GLI2: variants seen among roughly 807,000 people sequenced by gnomAD.
The protein encoded by GLI2 is transcription activator GLI2.
A neutral mutation model predicts 78.9 loss-of-function variants in GLI2; 22 were observed. The ratio of observed to expected loss-of-function variants is 0.28; its 90% CI spans 0.20 to 0.40. The LOEUF (loss-of-function observed/expected upper bound fraction) is 0.40. Ranked by LOEUF, GLI2 falls within the 10% of genes least tolerant of loss-of-function variation. The pLI is 1.00. For missense variants in GLI2, 2,097 were observed against 2,213.2 expected, an observed-to-expected ratio of 0.95 and a Z score of 1.05; for synonymous variants, 974 against 963.7, an observed-to-expected ratio of 1.01 and a Z score of -0.20.
At chr2:120,924,765 C>T (rs1679577794) in intron 2 of GLI2, among the ~76,000 whole-genome samples, 1 of 152,186 alleles carries the variant, frequency 6.6e-6, no homozygotes, top group Admixed American at 6.5e-5. Flanking sequence ...CAGTATGAGC[C>T]AGTTTTCCTG....
intron 2 of GLI2, among the ~76,000 whole-genome samples, chr2:120,891,156 C>G (rs1235186283): frequency 6.6e-6 from 1 of 152,160 alleles, no homozygotes; most frequent in Non-Finnish European, 1.5e-5. Context: ...GAATGCCACA[C>G]AGGAAGGTGC....
chr2:120,871,456 C>T (rs1317470041), intron 2 of GLI2, among the ~76,000 whole-genome samples: 6 of 152,220 alleles, frequency 3.9e-5, no homozygotes, highest in African/African-American at 7.2e-5. Flanking sequence ...CATGCTCCCT[C>T]GTCCCCTCGC....
At chr2:120,980,871 C>G (rs940397281) in intron 10 of GLI2, among the ~76,000 whole-genome samples, 1 of 151,602 alleles carries the variant, frequency 6.6e-6, no homozygotes, top group African/African-American at 2.4e-5. Context: ...GGTCTTTGAT[C>G]CATTTGGAGT....
At chr2:120,960,997 T>A (rs541161126) in intron 5 of GLI2, among the ~76,000 whole-genome samples, 1 of 152,304 alleles carries the variant, frequency 6.6e-6, no homozygotes, top group East Asian at 1.9e-4. Context: ...AGCGGCTCCC[T>A]GGAGAGCGGA....
chr2:120,808,698 G>A (rs1685077782), intron 2 of GLI2, among the ~76,000 whole-genome samples: 1 of 152,222 alleles, frequency 6.6e-6, no homozygotes, highest in Non-Finnish European at 1.5e-5. Context: ...AGACAAGTGT[G>A]AGTTCACATC....
chr2:120,973,446 G>A (rs901978429), intron 8 of GLI2, among the ~76,000 whole-genome samples: 13 of 152,334 alleles, frequency 8.5e-5, no homozygotes, highest in East Asian at 5.8e-4. Context: ...CTGGCTCTGC[G>A]CACGTGTCAG....
chr2:120,818,796 G>A (rs1358640387), intron 2 of GLI2, among the ~76,000 whole-genome samples: 1 of 152,174 alleles, frequency 6.6e-6, no homozygotes, highest in Non-Finnish European at 1.5e-5. Flanking sequence ...TTTACGAAAG[G>A]CCTACTGGTT....
rs755823328 is a variant in GLI2, at chr2:120,955,354, C to G, written c.567C>G (p.Pro189=). ...CCCTCGTGGCAGGCCACCCCGCGCC[C>G]TACGGGGACCTGCTGATGCAGAGCG... ...QMTLVAGHPA[P]YGDLLMQSGG... is the part of the protein sequence containing the mutation. Residue 189 remains proline, a synonymous_variant, in exon 5 of 14, where the codon CCC becomes CCG. Transcript: ENST00000361492. 6.8e-6 allele frequency: 11 copies of G among 1,613,432 alleles called. No homozygotes were observed. Among genetic ancestry groups the G allele is most frequent in the Non-Finnish European group, 7.6e-6 (9 of 1,179,582 alleles).
chr2:120,910,948 T>A (rs1388359663), intron 2 of GLI2, among the ~76,000 whole-genome samples: 1 of 152,220 alleles, frequency 6.6e-6, no homozygotes, highest in East Asian at 1.9e-4. Flanking sequence ...AGTTTGTTGG[T>A]GCTCCACCTC....
At chr2:120,757,254 C>G (rs1325295483) in intron 1 of GLI2, among the ~76,000 whole-genome samples, 2 of 141,208 alleles carry the variant, frequency 1.4e-5, no homozygotes, top group African/African-American at 5.3e-5. Context: ...GTCTGGTAAT[C>G]TTTGCTAGAT....
At chr2:120,797,157 C>A (rs1466425788) in intron 1 of GLI2, 134 bp from the exon 2 acceptor site, 2 of 726,708 alleles carry the variant, frequency 2.8e-6, no homozygotes, top group African/African-American at 3.5e-5. Context: ...ATTAATTAAA[C>A]CCTCCTTCCC....
chr2:120,854,455 C>T (rs191808563), intron 2 of GLI2, among the ~76,000 whole-genome samples: 2 of 152,258 alleles, frequency 1.3e-5, no homozygotes, highest in African/African-American at 2.4e-5. Flanking sequence ...GGGGGGCTGC[C>T]CCAGTCATCT....
intron 1 of GLI2, among the ~76,000 whole-genome samples, chr2:120,776,468 G>A (rs1268399540): frequency 6.6e-6 from 1 of 151,876 alleles, no homozygotes; most frequent in Non-Finnish European, 1.5e-5. Context: ...TTTTCTTCTG[G>A]GTTCCCAGTA....
At chr2:120,779,522 C>T (rs112394522) in intron 1 of GLI2, among the ~76,000 whole-genome samples, 7 of 152,292 alleles carry the variant, frequency 4.6e-5, no homozygotes, top group African/African-American at 1.7e-4. Context: ...GTGGGTCTGC[C>T]GGTAACATGG....
At chr2:120,886,207 T>C (rs951763390) in intron 2 of GLI2, among the ~76,000 whole-genome samples, 42 of 32,802 alleles carry the variant, frequency 1.3e-3, no homozygotes, top group South Asian at 3.2e-3. Flanking sequence ...TGTGTGTGTG[T>C]GTGCGTGTAT....
chr2:120,919,180 G>C (rs2104839169), intron 2 of GLI2, among the ~76,000 whole-genome samples: 1 of 152,342 alleles, frequency 6.6e-6, no homozygotes, highest in Admixed American at 6.5e-5. Flanking sequence ...AGTTCTGTTT[G>C]CTTCTAAGAA....
intron 8 of GLI2, chr2:120,972,744 G>C (rs748386698): frequency 2.0e-5 from 10 of 509,174 alleles, no homozygotes; most frequent in Admixed American, 1.0e-4. Flanking sequence ...GCGTGGTGAG[G>C]GGGGAAGACA....
At chr2:120,926,155 T>G (rs1679663326) in intron 2 of GLI2, among the ~76,000 whole-genome samples, 1 of 145,972 alleles carries the variant, frequency 6.9e-6, no homozygotes, top group South Asian at 2.2e-4. Context: ...AAAGAATTCA[T>G]AGTATTTATG....
intron 1 of GLI2, among the ~76,000 whole-genome samples, chr2:120,796,044 CA>C (rs1684376921): frequency 6.6e-6 from 1 of 151,968 alleles, no homozygotes; most frequent in East Asian, 1.9e-4. Context: ...GACTCCAGCT[CA>C]AAAACAAACA....
Sources: allele counts gnomAD v4.1 joint callset (sites outside exome capture counted in the v4.1 genomes callset), GRCh38; gene constraint gnomAD v4.1.1; transcripts MANE v1.5; gene names NCBI Gene and HGNC (gene_info 2026-07-23, HGNC 2026-07-21).